AP3B1: variants seen among roughly 807,000 people sequenced by gnomAD.
AP3B1 encodes AP-3 complex subunit beta-1.
AP3B1 carries 61 observed loss-of-function variants against 132.5 expected under a neutral mutation model. The ratio of observed to expected loss-of-function variants is 0.46; its 90% CI spans 0.37 to 0.57. AP3B1 has a LOEUF of 0.57. AP3B1 is among the 20% of genes least tolerant of loss of function. AP3B1 has a pLI of 0.00. For synonymous variants in AP3B1, 388 were observed against 438.3 expected, an observed-to-expected ratio of 0.89 and a Z score of 1.43; for missense variants, 1,120 against 1,289.4, an observed-to-expected ratio of 0.87 and a Z score of 2.01.
At chr5:78,219,412 G>C (rs1265653668) in intron 6 of AP3B1, among the ~76,000 whole-genome samples, 1 of 152,016 alleles carries the variant, frequency 6.6e-6, no homozygotes, top group East Asian at 1.9e-4. Context: ...ATTAGAAAAG[G>C]CTTGTAGTAA....
chr5:78,116,580 A>C (rs1751838348), intron 17 of AP3B1, among the ~76,000 whole-genome samples: 1 of 152,108 alleles, frequency 6.6e-6, no homozygotes, highest in Non-Finnish European at 1.5e-5. Context: ...AATAACAAAC[A>C]CAAGTTGATA....
chr5:78,044,112 G>T, intron 22 of AP3B1: 2 of 311,602 alleles, frequency 6.4e-6, no homozygotes, highest in African/African-American at 2.2e-5. Flanking sequence ...CAGCTCCTCC[G>T]CTCCACGTGC....
chr5:78,055,742 A>C (rs1422251243), intron 22 of AP3B1, among the ~76,000 whole-genome samples: 1 of 152,194 alleles, frequency 6.6e-6, no homozygotes, highest in Non-Finnish European at 1.5e-5. Flanking sequence ...AGAGGTGGAA[A>C]GAACTAGCAT....
intron 23 of AP3B1, 144 bp from the exon 24 acceptor site, chr5:78,034,589 T>C: frequency 2.9e-6 from 2 of 680,766 alleles, no homozygotes; most frequent in Non-Finnish European, 5.3e-6. Flanking sequence ...CTAAGAATAT[T>C]AAAGCAAATT....
chr5:78,098,686 A>C (rs1751003278), intron 21 of AP3B1, among the ~76,000 whole-genome samples: 1 of 152,228 alleles, frequency 6.6e-6, no homozygotes, highest in Non-Finnish European at 1.5e-5. Context: ...ACAATGCTGC[A>C]ATGAAATTTT....
Position 78,181,554 on chromosome 5 carries a change from G to A in AP3B1, c.895C>T (p.Leu299Phe). The A allele has an allele frequency of 6.2e-7, 1 of 1,613,054 alleles. No homozygotes were observed. The highest frequency in any genetic ancestry group is 8.5e-7 in the Non-Finnish European group (1 of 1,179,418). The change falls in exon 8 of 27, where the codon CTC becomes TTC. Residue 299 changes from leucine to phenylalanine, a missense_variant. By Grantham distance (22) the Leu-to-Phe change is conservative. Coordinates refer to ENST00000255194, the MANE Select transcript of AP3B1 (RefSeq NM_003664.5). ...AAAGGCTTTGTATTTCTAATTAAGA[G>A]TCTATGATCTGGATCCATAGTATAC... ...KPYTMDPDHR[L>F]LIRNTKPLLQ... is the part of the protein sequence containing the mutation.
chr5:78,111,866 T>C (rs1021405699), intron 19 of AP3B1, among the ~76,000 whole-genome samples: 3 of 152,128 alleles, frequency 2.0e-5, no homozygotes, highest in African/African-American at 7.2e-5. Context: ...TTTACAATAA[T>C]GAAATTAATA....
At chr5:78,184,842 CA>C (rs1298989688) in intron 7 of AP3B1, among the ~76,000 whole-genome samples, 1 of 152,048 alleles carries the variant, frequency 6.6e-6, no homozygotes, top group Non-Finnish European at 1.5e-5. Flanking sequence ...TTAAATTTGG[CA>C]AATAAAACTA....
chr5:78,085,978 T>G (rs967980783), intron 22 of AP3B1, among the ~76,000 whole-genome samples: 8 of 152,208 alleles, frequency 5.3e-5, no homozygotes, highest in African/African-American at 1.9e-4. Flanking sequence ...GTTTCAATTT[T>G]GCATATTACG....
At chr5:78,202,552 A>AGTGTGTGTGTGTGTGT (rs36209977) in intron 7 of AP3B1, among the ~76,000 whole-genome samples, 55 of 146,148 alleles carry the variant, frequency 3.8e-4, no homozygotes, top group South Asian at 1.3e-3. Flanking sequence ...CCATATATTC[A>AGTGTGTGTGTGTGTGT]GTGTGTGTGT....
At chr5:78,006,583 C>T (rs895332426) in intron 26 of AP3B1, among the ~76,000 whole-genome samples, 2 of 152,288 alleles carry the variant, frequency 1.3e-5, no homozygotes, top group African/African-American at 4.8e-5. Flanking sequence ...AAATACAAAG[C>T]CTTTTTGAAT....
intron 1 of AP3B1, among the ~76,000 whole-genome samples, chr5:78,278,048 T>C (rs1485736641): frequency 1.3e-5 from 2 of 152,142 alleles, no homozygotes; most frequent in Non-Finnish European, 2.9e-5. Context: ...GACTATTCAG[T>C]AGTATATTTG....
At chr5:78,101,508 T>C (rs1476559886) in intron 20 of AP3B1, 1 of 187,118 alleles carries the variant, frequency 5.3e-6, no homozygotes. Flanking sequence ...GTTTCTATAC[T>C]GGGTTGTATC....
Position 78,002,810 on chromosome 5 carries a change from T to G in AP3B1, c.*92A>C. ...AGTGTATTCTACCCCCACTGCCAGA[T>G]GGAAGGGCTATTATTATAAATGAAA... On this transcript the variant is annotated 3_prime_UTR_variant, in exon 27 of 27. Coordinates refer to ENST00000255194, the MANE Select transcript of AP3B1 (RefSeq NM_003664.5). The G allele has an allele frequency of 7.0e-7, 1 of 1,427,306 alleles. No homozygotes were observed. Among genetic ancestry groups the G allele is most frequent in the Non-Finnish European group, 9.9e-7 (1 of 1,009,890 alleles). The allele number at this position is 1,427,306 out of a possible 1,614,324, so 88.4% of individuals were successfully genotyped here.
At chr5:78,213,374 C>T (rs1414671738) in intron 7 of AP3B1, among the ~76,000 whole-genome samples, 1 of 152,194 alleles carries the variant, frequency 6.6e-6, no homozygotes, top group African/African-American at 2.4e-5. Context: ...AGAGCACAGA[C>T]ATGGTCCTAG....
chr5:78,110,468 TA>T (rs1751526772), intron 19 of AP3B1, 114 bp from the exon 20 acceptor site: 1 of 728,460 alleles, frequency 1.4e-6, no homozygotes, highest in Non-Finnish European at 2.2e-6. Context: ...AAAAAGGTAT[TA>T]CCCATAACCA....
chr5:78,291,000 G>T (rs1490311529), intron 1 of AP3B1, among the ~76,000 whole-genome samples: 1 of 151,992 alleles, frequency 6.6e-6, no homozygotes, highest in Non-Finnish European at 1.5e-5. Context: ...TTTAAATAAA[G>T]AAATTGAAAA....
At chr5:78,280,584 G>T (rs1037733700) in intron 1 of AP3B1, among the ~76,000 whole-genome samples, 15 of 152,050 alleles carry the variant, frequency 9.9e-5, no homozygotes, top group African/African-American at 3.1e-4. Context: ...TTTTCTCCAA[G>T]AAATTCATAA....
intron 23 of AP3B1, among the ~76,000 whole-genome samples, chr5:78,036,886 A>G (rs1309570994): frequency 6.6e-6 from 1 of 152,134 alleles, no homozygotes; most frequent in African/African-American, 2.4e-5. Flanking sequence ...ACTAATTTAG[A>G]CATATTATAT....
Sources: gnomAD v4.1 joint callset for allele counts (sites outside exome capture counted in the v4.1 genomes callset) on GRCh38, gnomAD v4.1.1 for gene constraint, MANE v1.5 for transcripts, NCBI Gene and HGNC (gene_info 2026-07-23, HGNC 2026-07-21) for gene names.